TSEN2: variants seen among roughly 807,000 people sequenced by gnomAD.
TSEN2 encodes the protein tRNA splicing endonuclease subunit 2, also known as tRNA-splicing endonuclease subunit Sen2.
Under a neutral mutation model 59.2 loss-of-function variants are expected in TSEN2, and 54 were observed. That is an observed-to-expected ratio of 0.91 (90% CI 0.73 to 1.14). The LOEUF (loss-of-function observed/expected upper bound fraction) is 1.14. Ranked by LOEUF, TSEN2 falls within the 50% of genes most tolerant of loss-of-function variation. The pLI is 0.00. For synonymous variants in TSEN2, 195 were observed against 198.2 expected (o/e 0.98, Z 0.14); for missense variants, 636 against 576.2 (o/e 1.10, Z -1.06).
chr3:12,488,027 C>T (rs958971444), intron 1 of TSEN2, among the ~76,000 whole-genome samples: 17 of 152,110 alleles, frequency 1.1e-4, no homozygotes, highest in Non-Finnish European at 1.8e-4. Context: ...CCTCTAACTC[C>T]TCTTTAGTCT....
At position 12,510,197 on chromosome 3, in the gene TSEN2, C is replaced by T. The variant is rs891681313; in HGVS notation, c.909+4966C>T. On this transcript the variant is annotated intron_variant, in intron 6 of 11. Transcript: ENST00000284995. ...GCAGTGTGGTGCATGCATTGGTCTG[C>T]CACCGAACCCTTGGGTCGGAGTCCC... 3.2e-4 allele frequency among the ~76,000 whole-genome samples: 48 copies of T among 152,186 alleles called. 1 individual carries two copies. Among genetic ancestry groups the T allele is most frequent in the Non-Finnish European group, 4.4e-5 (3 of 68,030 alleles).
At chr3:12,521,544 G>C (rs1319656044) in intron 8 of TSEN2, among the ~76,000 whole-genome samples, 1 of 151,996 alleles carries the variant, frequency 6.6e-6, no homozygotes, top group East Asian at 1.9e-4. Flanking sequence ...GTGAAACCCT[G>C]TGTCTAGCAC....
intron 6 of TSEN2, among the ~76,000 whole-genome samples, chr3:12,506,079 G>A (rs1315263946): frequency 6.6e-6 from 1 of 151,348 alleles, no homozygotes; most frequent in Non-Finnish European, 1.5e-5. Flanking sequence ...TGAATATTTT[G>A]TTACTAATTT....
At chr3:12,506,947 C>T (rs2054901695) in intron 6 of TSEN2, 2 of 819,276 alleles carry the variant, frequency 2.4e-6, no homozygotes, top group Non-Finnish European at 2.9e-6. Context: ...GTAATCCCAG[C>T]ACTTTGGGAG....
At chr3:12,516,725 T>G in intron 7 of TSEN2, 64 bp downstream of exon 7, 1 of 1,362,090 alleles carries the variant, frequency 7.3e-7, no homozygotes, top group Non-Finnish European at 1.1e-6. Flanking sequence ...CAGGTTGTAC[T>G]AATTTCTATA....
intron 7 of TSEN2, among the ~76,000 whole-genome samples, chr3:12,518,704 CTTT>C (rs11360113): frequency 1.4e-5 from 2 of 145,522 alleles, no homozygotes; most frequent in African/African-American, 2.5e-5. Context: ...TATATTCTCT[CTTT>C]TTTTTTTTTT....
chr3:12,529,933 T>G, intron 10 of TSEN2, 60 bp downstream of exon 10: 1 of 1,583,384 alleles, frequency 6.3e-7, no homozygotes, highest in Non-Finnish European at 8.5e-7. Flanking sequence ...TTTTTTTTTT[T>G]TCTTAAATGT....
intron 6 of TSEN2, among the ~76,000 whole-genome samples, chr3:12,516,002 A>G (rs1263168670): frequency 6.6e-6 from 1 of 152,112 alleles, no homozygotes; most frequent in African/African-American, 2.4e-5. Context: ...TAGGTTTTTT[A>G]GGGAATAAAT....
At position 12,532,791 on chromosome 3, in the gene TSEN2, T is replaced by C; in HGVS notation, c.*70T>C. ...AGGGCTAGGTAAAAAGTTCTTTTTG[T>C]TGTAATCGTCCATTAATTCATAAGT... On this transcript the variant is annotated 3_prime_UTR_variant, in exon 12 of 12. Transcript: ENST00000284995. The C allele has an allele frequency of 1.4e-6, 2 of 1,459,574 alleles. No individual in the cohort carries two copies. Among genetic ancestry groups the C allele is most frequent in the Non-Finnish European group, 1.9e-6 (2 of 1,041,892 alleles). 90.4% of individuals were successfully genotyped at this position (1,459,574 alleles called of 1,614,324 possible).
At chr3:12,518,701 T>A (rs2056361809) in intron 7 of TSEN2, among the ~76,000 whole-genome samples, 1 of 124,104 alleles carries the variant, frequency 8.1e-6, no homozygotes, top group Non-Finnish European at 1.7e-5. Context: ...GTTTATATTC[T>A]CTCTTTTTTT....
intron 8 of TSEN2, among the ~76,000 whole-genome samples, chr3:12,520,177 G>T (rs60652866): frequency 0.019 from 2,847 of 152,060 alleles, 48 homozygotes; most frequent in South Asian, 0.059. Flanking sequence ...TTTTTGTATT[G>T]TTAGTACAGA....
In TSEN2 at chr3:12,506,533, T is replaced by G. The variant is rs546616419; in HGVS notation, c.909+1302T>G. ...TTGCTTGAGCCTGGGAGGTCGAGGC[T>G]TTAATGAACCGAGGTCACGCCACTG... On this transcript the variant is annotated intron_variant, in intron 6 of 11. Coordinates refer to ENST00000284995, the MANE Select transcript of TSEN2 (RefSeq NM_025265.4). 5.9e-5 allele frequency among the ~76,000 whole-genome samples: 9 copies of G among 151,890 alleles called. No homozygotes were observed. The South Asian group carries it at 1.9e-3, about 32-fold the overall frequency.
At chr3:12,484,208 C>G (rs1415801785), upstream of TSEN2, among the ~76,000 whole-genome samples, 2 of 152,264 alleles carry the variant, frequency 1.3e-5, no homozygotes, top group Non-Finnish European at 2.9e-5. Context: ...TCCCACGTGA[C>G]TATGTGACAT....
At chr3:12,486,241 C>G (rs1260851258) in intron 1 of TSEN2, among the ~76,000 whole-genome samples, 1 of 152,198 alleles carries the variant, frequency 6.6e-6, no homozygotes, top group Non-Finnish European at 1.5e-5. Flanking sequence ...CACATCCCAC[C>G]TCTTACAGCA....
chr3:12,535,189 C>T (rs1016627766), downstream of TSEN2, among the ~76,000 whole-genome samples: 1 of 152,112 alleles, frequency 6.6e-6, no homozygotes, highest in African/African-American at 2.4e-5. Flanking sequence ...TTTCTCTCCT[C>T]CCCACCACCC....
chr3:12,539,256 C>A, exon 11 of TSEN2: 1 of 380,286 alleles, frequency 2.6e-6, no homozygotes, highest in Non-Finnish European at 5.0e-6. Context: ...GCCTCAGCCT[C>A]CTGAGTAGCT....
chr3:12,525,358 A>T (rs989138689), intron 8 of TSEN2, among the ~76,000 whole-genome samples: 6 of 152,340 alleles, frequency 3.9e-5, no homozygotes, highest in African/African-American at 1.4e-4. Context: ...ATAAGTAGTG[A>T]TACCATAAGT....
In TSEN2 at chr3:12,532,923, T is replaced by C. The variant is rs1476122976; in HGVS notation, c.*202T>C. ...TGTGCTAGGACTGCAGATTCTATAC[T>C]TGCGTTGGCCTCTAACTCTCCAATC... On this transcript the variant is annotated 3_prime_UTR_variant, in exon 12 of 12. Coordinates refer to ENST00000284995, the MANE Select transcript of TSEN2 (RefSeq NM_025265.4). 1.6e-6 allele frequency: 1 copy of C among 617,036 alleles called. No individual in the cohort carries two copies. Among genetic ancestry groups the C allele is most frequent in the Non-Finnish European group, 2.8e-6 (1 of 352,262 alleles). 38.2% of individuals were successfully genotyped at this position (617,036 alleles called of 1,614,324 possible).
In TSEN2 at chr3:12,519,160, G is replaced by T. The variant is rs1469655355; in HGVS notation, c.1062G>T (p.Trp354Cys). ...MAYHYFRSKG[W>C]VPKVGLKYGT... ...ACCATTACTTTCGAAGCAAGGGCTG[G>T]GTGCCCAAAGTGGGACTCAAGTACG... The change falls in exon 8 of 12, where the codon TGG (tryptophan) becomes TGT (cysteine). Residue 354 changes from tryptophan to cysteine, a missense_variant. Physicochemically the swap from Trp to Cys is radical, Grantham distance 215. Transcript: ENST00000284995. 6.2e-7 allele frequency: 1 copy of T among 1,614,066 alleles called. No homozygotes were observed. The highest frequency in any genetic ancestry group is 8.5e-7 in the Non-Finnish European group (1 of 1,180,038).
Sources: gnomAD v4.1 joint callset for allele counts (sites outside exome capture counted in the v4.1 genomes callset) on GRCh38, gnomAD v4.1.1 for gene constraint, MANE v1.5 for transcripts, NCBI Gene and HGNC (gene_info 2026-07-23, HGNC 2026-07-21) for gene names.